Variants in AKAIN1 observed in about 807,000 individuals in gnomAD.
AKAIN1 encodes A-kinase anchor protein inhibitor 1.
AKAIN1 carries 3 observed loss-of-function variants against 3.7 expected under a neutral mutation model. The observed-to-expected ratio is 0.82, with a 90% confidence interval of 0.37 to 2.12. The LOEUF (loss-of-function observed/expected upper bound fraction) is 2.12, where lower values mean the gene tolerates loss of function less well. Ranked by LOEUF, AKAIN1 falls within the 30% of genes most tolerant of loss-of-function variation. The pLI is 0.06. For synonymous variants in AKAIN1, 31 were observed against 30.8 expected (o/e 1.01, Z -0.02); for missense variants, 82 against 82.7 (o/e 0.99, Z 0.03).
chr18:5,187,701 T>C (rs2071295473), intron 1 of AKAIN1, among the ~76,000 whole-genome samples: 1 of 152,164 alleles, frequency 6.6e-6, no homozygotes, highest in African/African-American at 2.4e-5. Context: ...AATTTAAACA[T>C]GAGTTTTGGA....
chr18:5,193,970 C>T (rs1361328319), intron 1 of AKAIN1, among the ~76,000 whole-genome samples: 9 of 151,986 alleles, frequency 5.9e-5, no homozygotes, highest in East Asian at 5.8e-4. Context: ...AAATTTTCTA[C>T]GTTCAGTTTA....
chr18:5,197,008 C>A lies in AKAIN1; in HGVS notation c.16+30G>T, dbSNP rs1328613480. On this transcript the variant is annotated intron_variant, in intron 1 of 1. Transcript: ENST00000434239. This position sits in a 1 kb window ranked among gnomAD's most constrained non-coding sequence, Gnocchi z 6.9. ...TCCTCTACCCTGCTCCCCTCCTAGACACTTGGTGAAAAAGCAAGGTGCGGT... is the reference window on the plus strand; with the variant it reads ...TCCTCTACCCTGCTCCCCTCCTAGAAACTTGGTGAAAAAGCAAGGTGCGGT... 5.2e-6 allele frequency: 8 copies of A among 1,536,568 alleles called. No homozygotes were observed. The highest frequency in any genetic ancestry group is 7.1e-6 in the Non-Finnish European group (8 of 1,133,374).
rs2143300357 is a variant in AKAIN1, at chr18:5,145,188, G to A, written c.*374C>T. ...CATAAAGAACTCAGTACTGTATTCA[G>A]TATTTCAGCAAAAAGGCTGCTTGTT... On this transcript the variant is annotated 3_prime_UTR_variant, in exon 2 of 2. Transcript: ENST00000434239. 1 of 182,536 alleles carries A rather than the reference G, an allele frequency of 5.5e-6. No homozygotes were observed. Among genetic ancestry groups the A allele is most frequent in the Admixed American group, 5.5e-5 (1 of 18,266 alleles). 11.3% of individuals were successfully genotyped at this position (182,536 alleles called of 1,614,324 possible). A position where few individuals can be genotyped will look rare whatever the true frequency, so the allele number is the denominator to read the frequency against.
intron 1 of AKAIN1, among the ~76,000 whole-genome samples, chr18:5,183,394 G>T (rs2071270083): frequency 6.6e-6 from 1 of 151,796 alleles, no homozygotes; most frequent in South Asian, 2.1e-4. Context: ...ATTTTAATTT[G>T]GTTAATTATG....
intron 1 of AKAIN1, among the ~76,000 whole-genome samples, chr18:5,189,677 C>T (rs1375329733): frequency 2.0e-5 from 3 of 152,104 alleles, no homozygotes; most frequent in Non-Finnish European, 4.4e-5. Flanking sequence ...TTATCCTTTA[C>T]CATCCATATT....
intron 1 of AKAIN1, among the ~76,000 whole-genome samples, chr18:5,156,480 T>C (rs965389363): frequency 6.6e-6 from 1 of 152,118 alleles, no homozygotes; most frequent in African/African-American, 2.4e-5. Flanking sequence ...AGAGGAAAAT[T>C]ATCCTCTGCC....
At chr18:5,162,262 C>G (rs2071143672) in intron 1 of AKAIN1, among the ~76,000 whole-genome samples, 1 of 152,174 alleles carries the variant, frequency 6.6e-6, no homozygotes, top group South Asian at 2.1e-4. Flanking sequence ...CTTCTGGTCC[C>G]CTAGGTAAGG....
chr18:5,150,648 C>T (rs529406636), intron 1 of AKAIN1, among the ~76,000 whole-genome samples: 1 of 152,290 alleles, frequency 6.6e-6, no homozygotes, highest in Admixed American at 6.5e-5. Context: ...CCAGTGCTCC[C>T]CCATGGGGAT....
At chr18:5,181,452 T>TTTATA (rs1434007315) in intron 1 of AKAIN1, among the ~76,000 whole-genome samples, 1 of 152,190 alleles carries the variant, frequency 6.6e-6, no homozygotes, top group African/African-American at 2.4e-5. Context: ...TGGCATTTAC[T>TTTATA]TATATAAAGT....
chr18:5,197,220 G>C lies in AKAIN1; in HGVS notation c.-167C>G. ...GCTCCCGCCGCTAGATCCTGGGGCC[G>C]CAGCTCCAGCCGCCGCCGCGCGCTC... On this transcript the variant is annotated 5_prime_UTR_variant, in exon 1 of 2. Coordinates refer to ENST00000434239, the MANE Select transcript of AKAIN1 (RefSeq NM_001145194.2). This position sits in a 1 kb window ranked among gnomAD's most constrained non-coding sequence, Gnocchi z 6.9. 7.2e-7 allele frequency: 1 copy of C among 1,390,480 alleles called. No individual in the cohort carries two copies. The highest frequency in any genetic ancestry group is 2.7e-4 in the Middle Eastern group (1 of 3,754). 86.1% of individuals were successfully genotyped at this position (1,390,480 alleles called of 1,614,324 possible).
intron 1 of AKAIN1, among the ~76,000 whole-genome samples, chr18:5,195,969 GCTCTT>G (rs2071344994): frequency 6.6e-6 from 1 of 152,032 alleles, no homozygotes; most frequent in South Asian, 2.1e-4. Context: ...GGACTGACTT[GCTCTT>G]CTCAAGTTTT....
intron 1 of AKAIN1, among the ~76,000 whole-genome samples, chr18:5,172,339 A>T (rs2071202323): frequency 6.6e-6 from 1 of 152,144 alleles, no homozygotes; most frequent in Non-Finnish European, 1.5e-5. Context: ...ATAAATGCTT[A>T]AGGGATGGAT....
chr18:5,150,638 C>T (rs901662125), intron 1 of AKAIN1, among the ~76,000 whole-genome samples: 14 of 152,254 alleles, frequency 9.2e-5, no homozygotes, highest in Middle Eastern at 3.4e-3. Flanking sequence ...CTATGATCAC[C>T]CAGTGCTCCC....
intron 1 of AKAIN1, among the ~76,000 whole-genome samples, chr18:5,155,841 C>T (rs2071105138): frequency 6.6e-6 from 1 of 152,144 alleles, no homozygotes; most frequent in Non-Finnish European, 1.5e-5. Context: ...CACTGCAGGA[C>T]CTTCCGTAGC....
chr18:5,195,184 C>T (rs958464751), intron 1 of AKAIN1, among the ~76,000 whole-genome samples: 9 of 152,072 alleles, frequency 5.9e-5, no homozygotes, highest in African/African-American at 2.2e-4. Flanking sequence ...CTGTATCTAT[C>T]CTATCCAGGT....
In AKAIN1 at chr18:5,173,278, T is replaced by A. The variant is rs190270471; in HGVS notation, c.16+23760A>T. ...ATATCAAATCATGGGCCATTATTGG[T>A]GTTTTTTTGTATGTGTTACATTTTA... On this transcript the variant is annotated intron_variant, in intron 1 of 1. Coordinates refer to ENST00000434239, the MANE Select transcript of AKAIN1 (RefSeq NM_001145194.2). Among the ~76,000 whole-genome samples the A allele has an allele frequency of 4.7e-3, 714 of 152,276 alleles. 3 individuals are homozygous for A. Among genetic ancestry groups the A allele is most frequent in the Non-Finnish European group, 6.2e-3 (421 of 68,010 alleles).
rs1240880461 is a variant in AKAIN1, at chr18:5,142,989, TC to T, written c.*2572del. Among the ~76,000 whole-genome samples, 2 of 152,174 alleles carry T rather than the reference TC, an allele frequency of 1.3e-5. No individual in the cohort carries two copies. Among genetic ancestry groups the T allele is most frequent in the Non-Finnish European group, 2.9e-5 (2 of 68,032 alleles). ...ACATGAAAGGATTTCTTTCTTTAGA[TC>T]CACCCTAGGGGCAGGCAACAGAGAA... is the stretch of plus-strand genomic sequence containing the variant. On this transcript the variant is annotated 3_prime_UTR_variant, in exon 2 of 2. Transcript: ENST00000434239.
chr18:5,189,068 C>T (rs538109852), intron 1 of AKAIN1, among the ~76,000 whole-genome samples: 1 of 152,182 alleles, frequency 6.6e-6, no homozygotes, highest in African/African-American at 2.4e-5. Context: ...TAGAGCTACA[C>T]CTGAGCCCAT....
intron 1 of AKAIN1, among the ~76,000 whole-genome samples, chr18:5,155,244 G>A (rs1410258037): frequency 6.6e-6 from 1 of 152,176 alleles, no homozygotes. Context: ...GTCTATGCAG[G>A]CTGTGCAGTG....
Sources: allele counts gnomAD v4.1 joint callset (sites outside exome capture counted in the v4.1 genomes callset), GRCh38; gene constraint gnomAD v4.1.1; non-coding constraint Gnocchi (gnomAD v3.1); transcripts MANE v1.5; gene names NCBI Gene and HGNC (gene_info 2026-07-23, HGNC 2026-07-21).